ANTXRL: variants seen among roughly 807,000 people sequenced by gnomAD.
The protein encoded by ANTXRL is anthrax toxin receptor-like.
ANTXRL carries 63 observed loss-of-function variants against 75.4 expected under a neutral mutation model. The ratio of observed to expected loss-of-function variants is 0.84; its 90% CI spans 0.68 to 1.03. The LOEUF is 1.03. Among genes scored for constraint, ANTXRL ranks in the 50% least tolerant of loss-of-function variants. The pLI, the probability that ANTXRL is intolerant of heterozygous loss-of-function variation, is 0.00. For missense variants in ANTXRL, 797 were observed against 789.4 expected (o/e 1.01, Z -0.12); for synonymous variants, 335 against 291.3 (o/e 1.15, Z -1.53).
chr10:46,298,238 GTT>G (rs1837507427), intron 9 of ANTXRL, among the ~76,000 whole-genome samples, 176 bp downstream of exon 9: 1 of 150,702 alleles, frequency 6.6e-6, no homozygotes. Flanking sequence ...TGTGTATGTA[GTT>G]TGTGTGGGTG....
intron 1 of ANTXRL, among the ~76,000 whole-genome samples, chr10:46,290,280 G>A (rs1322261648): frequency 6.6e-6 from 1 of 151,442 alleles, no homozygotes; most frequent in African/African-American, 2.4e-5. Flanking sequence ...CTGACCTCGT[G>A]ATTCCCCGGC....
At chr10:46,294,034 C>T (rs1837218455) in intron 3 of ANTXRL, 134 bp downstream of exon 3, 3 of 746,736 alleles carry the variant, frequency 4.0e-6, no homozygotes, top group Middle Eastern at 3.4e-4. Flanking sequence ...GGGCAACTCA[C>T]AGTACCCACC....
chr10:46,289,428 G>A (rs1214336712), intron 1 of ANTXRL, among the ~76,000 whole-genome samples: 3 of 152,148 alleles, frequency 2.0e-5, no homozygotes, highest in Non-Finnish European at 4.4e-5. Flanking sequence ...TCATCATTGC[G>A]TATTGAAACT....
In ANTXRL at chr10:46,302,676, G is replaced by A. The variant is rs138729363; in HGVS notation, c.797-46G>A. 6.7e-5 allele frequency: 94 copies of A among 1,395,930 alleles called. No individual in the cohort carries two copies. The African/African-American group carries it at 1.3e-3, about 20-fold the overall frequency. 86.5% of individuals were successfully genotyped at this position (1,395,930 alleles called of 1,614,324 possible). ...GAATAGGGAGGTCAGAGGGGAGGCA[G>A]CCCCCTACTCTTCCTCACTCAGCCT... On this transcript the variant is annotated intron_variant, in intron 9 of 16. Coordinates refer to ENST00000620264, the MANE Select transcript of ANTXRL (RefSeq NM_001278688.3).
At chr10:46,290,285 C>T (rs1554956149) in intron 1 of ANTXRL, among the ~76,000 whole-genome samples, 1 of 152,146 alleles carries the variant, frequency 6.6e-6, no homozygotes, top group Non-Finnish European at 1.5e-5. Context: ...CTCGTGATTC[C>T]CCGGCCTTGG....
At chr10:46,312,999 T>C (rs1200264052) in intron 15 of ANTXRL, among the ~76,000 whole-genome samples, 4 of 152,342 alleles carry the variant, frequency 2.6e-5, no homozygotes, top group Admixed American at 2.6e-4. Flanking sequence ...AATCTGCCCC[T>C]GGCGTTTTCT....
chr10:46,329,970 C>G lies in ANTXRL; in HGVS notation c.1782C>G (p.Leu594=). ...TCACCTGCTCCTCCAGGTGCCGCCT[C>G]CCCCCAGCTAGGTGCTTGAGGCCTC... The part of the protein sequence containing the change: ...LPLTCSSRCR[L]PPARCLRPPS... Residue 594 remains leucine (L), a synonymous_variant, in exon 17 of 17, where the codon CTC becomes CTG. Transcript: ENST00000620264. 1 of 1,535,548 alleles carries G rather than the reference C, an allele frequency of 6.5e-7. No homozygotes were observed. The highest frequency in any genetic ancestry group is 8.7e-7 in the Non-Finnish European group (1 of 1,146,560).
Position 46,313,285 on chromosome 10 carries a change from T to C in ANTXRL, c.1379T>C (p.Val460Ala). The C allele has an allele frequency of 6.5e-7, 1 of 1,535,872 alleles. No individual in the cohort carries two copies. The highest frequency in any genetic ancestry group is 8.7e-7 in the Non-Finnish European group (1 of 1,146,740). ...CDLSHASCHQ[V>A]PWMCCQSRDQ... is the part of the protein sequence containing the mutation. The stretch of plus-strand genomic sequence containing the variant: ...CTCTCTCACGCAAGCTGCCACCAGG[T>C]GCCATGGATGTGTTGTCAGAGCAGG... The change falls in exon 16 of 17, where the codon GTG becomes GCG. Residue 460 changes from valine to alanine, a missense_variant. By Grantham distance (64) the Val-to-Ala change is moderately conservative. Coordinates refer to ENST00000620264, the MANE Select transcript of ANTXRL (RefSeq NM_001278688.3).
At position 46,297,482 on chromosome 10, in the gene ANTXRL, C is replaced by A. The variant is rs1554959168; in HGVS notation, c.654+8C>A. On this transcript the variant is annotated splice_region_variant and intron_variant, in intron 7 of 16. Transcript: ENST00000620264. ...GATTATAATCTGGATCAGGTAATTC[C>A]AAGCAGGTAACCAGGCGCCACTTTC... The A allele has an allele frequency of 2.0e-6, 3 of 1,535,380 alleles. No homozygotes were observed. The East Asian group carries it at 7.3e-5, about 38-fold the overall frequency.
intron 16 of ANTXRL, among the ~76,000 whole-genome samples, chr10:46,327,401 T>C (rs1554966721): frequency 6.6e-6 from 1 of 151,912 alleles, no homozygotes; most frequent in Non-Finnish European, 1.5e-5. Flanking sequence ...ACTTGGATTG[T>C]ACTAAGAAGG....
At chr10:46,294,508 G>A (rs1365310100) in intron 3 of ANTXRL, among the ~76,000 whole-genome samples, 2 of 152,102 alleles carry the variant, frequency 1.3e-5, no homozygotes, top group African/African-American at 2.4e-5. Context: ...CGGAGGTGAG[G>A]GCACTTCCAA....
chr10:46,301,605 G>T (rs1430843811), intron 9 of ANTXRL, among the ~76,000 whole-genome samples: 2 of 152,164 alleles, frequency 1.3e-5, no homozygotes, highest in African/African-American at 2.4e-5. Context: ...CTGACATGGA[G>T]AAACACAAAC....
In ANTXRL at chr10:46,320,731, C is replaced by CA. The variant is rs1206860344; in HGVS notation, c.1410+7425dup. Among the ~76,000 whole-genome samples, 51 of 149,586 alleles carry CA rather than the reference C, an allele frequency of 3.4e-4. 1 individual carries two copies. The highest frequency in any genetic ancestry group is 3.4e-3 in the Middle Eastern group (1 of 294). ...TGGGGTACACAGGGAGTCTTTGTCT[C>CA]AAAAAAAAAATTGTTTGCCCATCAG... On this transcript the variant is annotated intron_variant, in intron 16 of 16. Transcript: ENST00000620264.
At chr10:46,287,695 C>T (rs1836821201) in intron 1 of ANTXRL, among the ~76,000 whole-genome samples, 185 bp downstream of exon 1, 1 of 152,076 alleles carries the variant, frequency 6.6e-6, no homozygotes, top group Non-Finnish European at 1.5e-5. Flanking sequence ...GCTTTCTTTT[C>T]CCTGGTGCTT....
chr10:46,316,528 G>A (rs1376968801), intron 16 of ANTXRL, among the ~76,000 whole-genome samples: 3 of 152,074 alleles, frequency 2.0e-5, no homozygotes, highest in Non-Finnish European at 4.4e-5. Context: ...CTGCATTTCA[G>A]AGCTGTGGAC....
intron 16 of ANTXRL, among the ~76,000 whole-genome samples, chr10:46,316,111 G>T (rs1483288271): frequency 6.6e-6 from 1 of 152,048 alleles, no homozygotes; most frequent in East Asian, 1.9e-4. Flanking sequence ...AATATCACTC[G>T]ATCCATCAGG....
At chr10:46,304,269 C>T (rs1228280969) in intron 10 of ANTXRL, among the ~76,000 whole-genome samples, 1 of 152,144 alleles carries the variant, frequency 6.6e-6, no homozygotes, top group Non-Finnish European at 1.5e-5. Context: ...ATCAGAACAA[C>T]AGAGAGTTTC....
chr10:46,325,854 C>T (rs1839186765), intron 16 of ANTXRL, among the ~76,000 whole-genome samples: 1 of 152,048 alleles, frequency 6.6e-6, no homozygotes, highest in Non-Finnish European at 1.5e-5. Flanking sequence ...CTCCTCAGGT[C>T]CACCCCATTC....
intron 16 of ANTXRL, among the ~76,000 whole-genome samples, chr10:46,314,229 C>A (rs1474139847): frequency 3.3e-5 from 5 of 152,132 alleles, no homozygotes; most frequent in Non-Finnish European, 5.9e-5. Context: ...GGCGTGCTGA[C>A]ACCTGGCAGG....
Sources: gnomAD v4.1 joint callset for allele counts (sites outside exome capture counted in the v4.1 genomes callset) on GRCh38, gnomAD v4.1.1 for gene constraint, MANE v1.5 for transcripts, NCBI Gene and HGNC (gene_info 2026-07-23, HGNC 2026-07-21) for gene names.